The following BSPH1 variants were observed in gnomAD, a reference collection of about 807,000 sequenced individuals.
The protein encoded by BSPH1 is binder of sperm 1.
A neutral mutation model predicts 22.5 loss-of-function variants in BSPH1; 21 were observed. The ratio of observed to expected loss-of-function variants is 0.93; its 90% confidence interval spans 0.66 to 1.35. The LOEUF is 1.35. Ranked by LOEUF, BSPH1 falls within the 40% of genes most tolerant of loss-of-function variation. The pLI is 0.00. For synonymous variants in BSPH1, 42 were observed against 53.6 expected (o/e 0.78, Z 0.95); for missense variants, 141 against 154.2 (o/e 0.91, Z 0.45).
At chr19:47,978,014 A>ATATATATATAGT (rs1555731529) in intron 3 of BSPH1, among the ~76,000 whole-genome samples, 1 of 144,216 alleles carries the variant, frequency 6.9e-6, no homozygotes. Context: ...ATATATATAT[A>ATATATATATAGT]TATATATATA....
intron 5 of BSPH1, among the ~76,000 whole-genome samples, chr19:47,974,431 G>T (rs1460338675): frequency 1.3e-4 from 20 of 151,882 alleles, no homozygotes; most frequent in Admixed American, 1.3e-3. Context: ...CACCACGCCT[G>T]GCTAACTGTT....
chr19:47,976,723 A>G lies in BSPH1; in HGVS notation c.388T>C (p.Tyr130His). The G allele has an allele frequency of 9.7e-6, 15 of 1,551,836 alleles. No homozygotes were observed. Among genetic ancestry groups the G allele is most frequent in the Non-Finnish European group, 1.3e-5 (15 of 1,146,982 alleles). The change falls in exon 5 of 6, where the codon TAC becomes CAC. Residue 130 changes from tyrosine to histidine, a missense_variant. Coordinates refer to ENST00000344839, the MANE Select transcript of BSPH1 (RefSeq NM_001128326.2). The stretch of plus-strand genomic sequence containing the variant: ...GGTAAATCTCACCATCATTCACAGT[A>G]TTTCCAAATTCGGTCCTTGTTAAAA... Reference protein sequence around the residue: ...KNFNKDRIWKYCE With the variant: ...KNFNKDRIWKHCE
At chr19:47,969,684 GGAGAGAGA>G (rs10589898) in intron 5 of BSPH1, among the ~76,000 whole-genome samples, 26,984 of 113,688 alleles carry the variant, frequency 0.24, 3,374 homozygotes, top group East Asian at 0.39. Flanking sequence ...AGGGAGAGGG[GGAGAGAGA>G]GAGAGAGAGA....
At chr19:47,977,264 C>A in intron 4 of BSPH1, 109 bp downstream of exon 4, 1 of 777,128 alleles carries the variant, frequency 1.3e-6, no homozygotes, top group South Asian at 1.9e-5. Flanking sequence ...ATTTTCACAA[C>A]TTAATTGGCT....
chr19:47,985,074 A>C (rs1969457657), intron 1 of BSPH1, among the ~76,000 whole-genome samples: 1 of 115,876 alleles, frequency 8.6e-6, no homozygotes, highest in African/African-American at 3.6e-5. Flanking sequence ...AAAAAAAAAA[A>C]AAAAGAAAGA....
At chr19:47,976,652 G>C (rs1379689533) in intron 5 of BSPH1, 58 bp downstream of exon 5, 2 of 1,400,736 alleles carry the variant, frequency 1.4e-6, no homozygotes, top group Non-Finnish European at 2.0e-6. Context: ...AAAAACTCTA[G>C]GTTCTTTCCA....
chr19:47,973,220 ATAATAATAAT>A (rs1301410511), intron 5 of BSPH1, among the ~76,000 whole-genome samples: 4 of 89,968 alleles, frequency 4.4e-5, no homozygotes, highest in African/African-American at 1.8e-4. Context: ...CCGTCTCAAA[ATAATAATAAT>A]AATAATAATA....
intron 3 of BSPH1, among the ~76,000 whole-genome samples, chr19:47,978,009 T>TATATATATATATAG (rs1555731526): frequency 4.8e-5 from 5 of 104,578 alleles, no homozygotes; most frequent in African/African-American, 2.0e-4. Context: ...AGGATATATA[T>TATATATATATATAG]ATATATATAT....
At chr19:47,983,215 A>G (rs1327094547) in intron 1 of BSPH1, among the ~76,000 whole-genome samples, 3 of 152,210 alleles carry the variant, frequency 2.0e-5, no homozygotes, top group African/African-American at 7.2e-5. Context: ...CTACCCAAAA[A>G]GGGAGTGGCT....
chr19:47,976,601 A>AC, intron 5 of BSPH1, 109 bp downstream of exon 5: 2 of 808,782 alleles, frequency 2.5e-6, no homozygotes, highest in East Asian at 5.7e-5. Context: ...AAAAAACAAA[A>AC]AAAAACCCTC....
chr19:47,991,196 C>A (rs1019249740), intron 1 of BSPH1, among the ~76,000 whole-genome samples: 1 of 152,012 alleles, frequency 6.6e-6, no homozygotes, highest in African/African-American at 2.4e-5. Context: ...TTAAATACAG[C>A]GCCGACCACA....
chr19:47,975,693 A>T (rs1174184453), intron 5 of BSPH1, among the ~76,000 whole-genome samples: 3 of 135,372 alleles, frequency 2.2e-5, no homozygotes, highest in African/African-American at 8.4e-5. Flanking sequence ...TCTCGCTCTG[A>T]CACCCAGGCT....
At chr19:47,979,691 A>T (rs1969400329) in intron 2 of BSPH1, 92 bp from the exon 3 acceptor site, 1 of 580,790 alleles carries the variant, frequency 1.7e-6, no homozygotes, top group Admixed American at 3.8e-5. Context: ...TAAAAATGTT[A>T]GTTTAGGAAA....
At chr19:47,991,064 G>C (rs1298343172) in intron 1 of BSPH1, among the ~76,000 whole-genome samples, 4 of 151,944 alleles carry the variant, frequency 2.6e-5, no homozygotes, top group Non-Finnish European at 4.4e-5. Flanking sequence ...CTTTCTTAAG[G>C]TACCTAAAGC....
Position 47,976,741 on chromosome 19 carries a change from T to C in BSPH1, c.370A>G (p.Lys124Glu), listed in dbSNP as rs1330298934. ...TCACAGTATTTCCAAATTCGGTCCTTGTTAAAATTCTTGGTCAGTGAACAC... is the reference window on the plus strand; with the variant it reads ...TCACAGTATTTCCAAATTCGGTCCTCGTTAAAATTCTTGGTCAGTGAACAC... ...KWCSLTKNFNKDRIWKYCE is the reference protein window; with the variant it reads ...KWCSLTKNFNEDRIWKYCE The change falls in exon 5 of 6, where the codon AAG becomes GAG. Residue 124 changes from lysine (K) to glutamate (E), a missense_variant. Transcript: ENST00000344839. The C allele has an allele frequency of 6.4e-7, 1 of 1,551,818 alleles. No homozygotes were observed. Among genetic ancestry groups the C allele is most frequent in the Admixed American group, 2.0e-5 (1 of 50,978 alleles).
intron 5 of BSPH1, among the ~76,000 whole-genome samples, chr19:47,975,934 C>A (rs1325993526): frequency 1.3e-5 from 2 of 152,172 alleles, no homozygotes; most frequent in Non-Finnish European, 2.9e-5. Context: ...GGATTACAGG[C>A]GTGAGCCACC....
intron 1 of BSPH1, among the ~76,000 whole-genome samples, chr19:47,986,474 T>G (rs1274735078): frequency 6.6e-6 from 1 of 152,126 alleles, no homozygotes; most frequent in African/African-American, 2.4e-5. Flanking sequence ...CATGGTGATT[T>G]ACGCTTGTAA....
chr19:47,977,284 AT>A, intron 4 of BSPH1, 88 bp downstream of exon 4: 1 of 998,184 alleles, frequency 1.0e-6, no homozygotes, highest in African/African-American at 1.6e-5. Context: ...TATGGATTCT[AT>A]TTTCAGAACC....
In BSPH1 at chr19:47,992,006, T is replaced by A; in HGVS notation, c.73+3A>T. On this transcript the variant is annotated splice_donor_region_variant and intron_variant, in intron 1 of 5. Transcript: ENST00000344839. ...ATAGGAAGAAATATAGAAAAAGAAA[T>A]ACTTAAAATAACAGGGAAGATGCAA... The A allele has an allele frequency of 6.5e-7, 1 of 1,537,060 alleles. No individual in the cohort carries two copies. The highest frequency in any genetic ancestry group is 8.8e-7 in the Non-Finnish European group (1 of 1,134,116).
Sources: gnomAD v4.1 joint callset for allele counts (sites outside exome capture counted in the v4.1 genomes callset) on GRCh38, gnomAD v4.1.1 for gene constraint, MANE v1.5 for transcripts, NCBI Gene and HGNC (gene_info 2026-07-23, HGNC 2026-07-21) for gene names.